The following CAPRIN2 variants were observed in gnomAD, a reference collection of about 807,000 sequenced individuals.
The protein encoded by CAPRIN2 is caprin family member 2, also known as caprin-2.
Under a neutral mutation model 130.4 loss-of-function variants are expected in CAPRIN2, and 66 were observed. That is an observed-to-expected ratio of 0.51 (90% CI 0.42 to 0.62). CAPRIN2 has a LOEUF of 0.62. CAPRIN2 is among the 20% of genes least tolerant of loss of function. CAPRIN2 has a pLI of 0.00. For missense variants in CAPRIN2, 1,185 were observed against 1,246.6 expected (o/e 0.95, Z 0.74); for synonymous variants, 471 against 444.1 (o/e 1.06, Z -0.76).
At position 30,735,158 on chromosome 12, in the gene CAPRIN2, GT is replaced by G; in HGVS notation, c.618del (p.Lys206AsnfsTer22). 6.2e-7 allele frequency: 1 copy of G among 1,614,150 alleles called. No homozygotes were observed. Among genetic ancestry groups the G allele is most frequent in the African/African-American group, 1.3e-5 (1 of 75,032 alleles). On this transcript the variant is annotated frameshift_variant, in exon 4 of 17. Transcript: ENST00000298892. LOFTEE classifies it high-confidence loss of function. ...CGAAGCTTTTTCTTCTCAGCCTCAA[GT>G]TTTAGCATGTGCTCCCTTCTCTGGG...
chr12:30,716,656 A>C (rs754335721), exon 13 of CAPRIN2: 25 of 1,613,908 alleles, frequency 1.5e-5, no homozygotes, highest in Non-Finnish European at 4.2e-6. Flanking sequence ...GTGGAGGCAG[A>C]GGTGCATTAA....
intron 2 of CAPRIN2, among the ~76,000 whole-genome samples, chr12:30,745,540 T>C (rs2069663487): frequency 6.6e-6 from 1 of 152,130 alleles, no homozygotes; most frequent in African/African-American, 2.4e-5. Context: ...ATTTACATTA[T>C]TATAAGTACC....
chr12:30,724,411 G>C (rs1297634307), exon 10 of CAPRIN2: 1 of 1,612,978 alleles, frequency 6.2e-7, no homozygotes, highest in Non-Finnish European at 8.5e-7. Flanking sequence ...TTGTGACGTT[G>C]GAATTGCACT....
In CAPRIN2 at chr12:30,748,811, T is replaced by C. The variant is rs1406432641; in HGVS notation, c.483+2260A>G. 2.0e-5 allele frequency among the ~76,000 whole-genome samples: 3 copies of C among 152,332 alleles called. No individual in the cohort carries two copies. In the South Asian group the frequency reaches 6.2e-4, roughly 32 times the overall value. The stretch of plus-strand genomic sequence containing the variant: ...ATTCATTTTATACTTAGTAAATCTA[T>C]ATGTAATAAATATTTTATATACCTA... On this transcript the variant is annotated intron_variant, in intron 2 of 16. Transcript: ENST00000298892.
exon 4 of CAPRIN2, chr12:30,735,069 G>C (rs1229084625): frequency 6.2e-7 from 1 of 1,614,098 alleles, no homozygotes. Context: ...AACCCCCTTT[G>C]AAGTCTTTTT....
chr12:30,748,992 C>G lies in CAPRIN2; in HGVS notation c.483+2079G>C, dbSNP rs2072238674. 2.0e-5 allele frequency among the ~76,000 whole-genome samples: 3 copies of G among 152,036 alleles called. No individual in the cohort carries two copies. The South Asian group carries it at 6.2e-4, about 32-fold the overall frequency. On this transcript the variant is annotated intron_variant, in intron 2 of 16. Coordinates refer to ENST00000298892, the Ensembl canonical transcript of CAPRIN2. ...CTAACTTCTATTAAGAAAAATTAAG[C>G]AAGGAAAGGAGCTAAGCAGTGTGAA...
intron 3 of CAPRIN2, among the ~76,000 whole-genome samples, chr12:30,737,655 T>A (rs1421645051): frequency 6.7e-6 from 1 of 149,138 alleles, no homozygotes; most frequent in Non-Finnish European, 1.5e-5. Context: ...TGGAGTGCAG[T>A]GGCACGATCT....
intron 12 of CAPRIN2, 51 bp from the exon 15 acceptor site, chr12:30,716,727 C>T (rs371914509): frequency 1.6e-5 from 25 of 1,563,674 alleles, no homozygotes; most frequent in South Asian, 2.3e-5. Flanking sequence ...AAAGAAAATG[C>T]TTAAGGGTGG....
intron 12 of CAPRIN2, chr12:30,719,208 G>A (rs2058601384): frequency 1.9e-6 from 3 of 1,613,968 alleles, no homozygotes; most frequent in Non-Finnish European, 2.5e-6. Flanking sequence ...ACGGTTGCTT[G>A]CCTGGGGGAA....
intron 6 of CAPRIN2, among the ~76,000 whole-genome samples, chr12:30,730,727 A>C (rs966307126): frequency 3.3e-5 from 5 of 152,196 alleles, no homozygotes; most frequent in African/African-American, 1.2e-4. Flanking sequence ...CACTGCACTT[A>C]GTATTAAGAA....
At chr12:30,719,179 T>A in intron 12 of CAPRIN2, 1 of 1,613,970 alleles carries the variant, frequency 6.2e-7, no homozygotes, top group Non-Finnish European at 8.5e-7. Context: ...CATGGGAGGA[T>A]TTGGAGAAGC....
chr12:30,720,600 G>C, intron 12 of CAPRIN2: 1 of 429,414 alleles, frequency 2.3e-6, no homozygotes, highest in South Asian at 3.9e-5. Context: ...TATTGCACTA[G>C]ATAAGGCAAT....
intron 5 of CAPRIN2, among the ~76,000 whole-genome samples, 191 bp from the exon 7 acceptor site, chr12:30,731,701 T>C (rs775719267): frequency 6.6e-6 from 1 of 152,116 alleles, no homozygotes; most frequent in African/African-American, 2.4e-5. Flanking sequence ...GTCAGTACCA[T>C]GAAAAGTAAA....
At chr12:30,719,187 A>G (rs765784243) in intron 12 of CAPRIN2, 4 of 1,613,938 alleles carry the variant, frequency 2.5e-6, no homozygotes, top group Non-Finnish European at 3.4e-6. Flanking sequence ...GATTTGGAGA[A>G]GCTAGTGAAG....
intron 3 of CAPRIN2, among the ~76,000 whole-genome samples, chr12:30,738,977 T>C (rs1012627689): frequency 1.3e-5 from 2 of 152,226 alleles, no homozygotes; most frequent in Non-Finnish European, 2.9e-5. Flanking sequence ...AGGTCAACCA[T>C]TGTGGAAAGC....
At chr12:30,731,644 A>T in intron 5 of CAPRIN2, 134 bp from the exon 7 acceptor site, 4 of 693,442 alleles carry the variant, frequency 5.8e-6, no homozygotes, top group Non-Finnish European at 7.1e-6. Context: ...ACATCCTTAC[A>T]ATAGTTTACA....
intron 8 of CAPRIN2, among the ~76,000 whole-genome samples, chr12:30,727,899 A>G (rs1223860186): frequency 2.6e-5 from 4 of 152,246 alleles, no homozygotes; most frequent in Admixed American, 6.5e-5. Context: ...AAACTGAGTG[A>G]CCATAAATGA....
chr12:30,715,557 T>C, intron 13 of CAPRIN2: 1 of 401,572 alleles, frequency 2.5e-6, no homozygotes. Context: ...AAGTTTCAGT[T>C]GGGGGGAGAT....
chr12:30,726,124 G>T, intron 8 of CAPRIN2, 36 bp from the exon 10 acceptor site: 1 of 1,367,310 alleles, frequency 7.3e-7, no homozygotes, highest in Non-Finnish European at 9.5e-7. Flanking sequence ...AGAGTGAAAT[G>T]CAAATTCAAG....
Sources: gnomAD v4.1 joint callset for allele counts (sites outside exome capture counted in the v4.1 genomes callset) on GRCh38, gnomAD v4.1.1 for gene constraint, MANE v1.5 for transcripts, NCBI Gene and HGNC (gene_info 2026-07-23, HGNC 2026-07-21) for gene names.